AK7: variants seen among roughly 807,000 people sequenced by gnomAD.
AK7 encodes ATP-AMP transphosphorylase 7.
A neutral mutation model predicts 96.6 loss-of-function variants in AK7; 78 were observed. The ratio of observed to expected loss-of-function variants is 0.81; its 90% CI spans 0.67 to 0.97. AK7 has a LOEUF of 0.97. AK7 is among the 50% of genes least tolerant of loss of function. The pLI, the probability that AK7 is intolerant of heterozygous loss-of-function variation, is 0.00. For missense variants in AK7, 855 were observed against 887.9 expected (o/e 0.96, Z 0.47); for synonymous variants, 302 against 317.2 (o/e 0.95, Z 0.51).
intron 2 of AK7, among the ~76,000 whole-genome samples, chr14:96,403,114 TTAAATAAATAAATAAATAAA>T (rs59930782): frequency 7.1e-6 from 1 of 140,274 alleles, no homozygotes; most frequent in African/African-American, 2.7e-5. Flanking sequence ...AGACTCTGTC[TTAAATAAATAAATAAATAAA>T]TAAATAAATA....
intron 11 of AK7, chr14:96,456,882 C>A: frequency 5.2e-6 from 1 of 192,652 alleles, no homozygotes; most frequent in Admixed American, 5.4e-5. Context: ...CTGGGCTGCC[C>A]CCGGAGCCAC....
chr14:96,419,568 A>C (rs767258991), intron 4 of AK7, among the ~76,000 whole-genome samples: 1 of 152,118 alleles, frequency 6.6e-6, no homozygotes, highest in Non-Finnish European at 1.5e-5. Context: ...CAGGATTTCA[A>C]GGCTGCAGTA....
At chr14:96,427,812 T>C (rs937767924) in intron 5 of AK7, among the ~76,000 whole-genome samples, 3 of 152,200 alleles carry the variant, frequency 2.0e-5, no homozygotes, top group Non-Finnish European at 4.4e-5. Context: ...TGTTTTTCTT[T>C]TTTTGTCTCC....
In AK7 at chr14:96,398,232, C is replaced by T. The variant is rs774410251; in HGVS notation, c.263C>T (p.Pro88Leu). Reference sequence around the variant, plus strand: ...GGCACGCTGTCCAAGCCTGACAGCCCGCGGCCTGACTTTGCGGTGGAGACG... The same window carrying T: ...GGCACGCTGTCCAAGCCTGACAGCCTGCGGCCTGACTTTGCGGTGGAGACG... ...IVGTLSKPDS[P>L]RPDFAVETYS... Residue 88 changes from proline (P) to leucine (L), a missense_variant, in exon 2 of 18, where the codon CCG becomes CTG. By Grantham distance (98) the Pro-to-Leu change is moderately conservative (BLOSUM62 -3). Coordinates refer to ENST00000267584, the MANE Select transcript of AK7 (RefSeq NM_152327.5). 10 of 1,613,498 alleles carry T rather than the reference C, an allele frequency of 6.2e-6. No individual in the cohort carries two copies. Among genetic ancestry groups the T allele is most frequent in the East Asian group, 2.2e-5 (1 of 44,876 alleles).
intron 5 of AK7, among the ~76,000 whole-genome samples, chr14:96,422,914 G>A (rs1338970072): frequency 1.3e-5 from 2 of 152,144 alleles, no homozygotes; most frequent in Admixed American, 6.6e-5. Context: ...GAAAAATTAT[G>A]ATGATGATGA....
chr14:96,471,695 CAG>C (rs1894900874), intron 13 of AK7, 89 bp downstream of exon 13: 3 of 1,111,160 alleles, frequency 2.7e-6, no homozygotes, highest in Non-Finnish European at 3.6e-6. Flanking sequence ...TTAAAGTAAA[CAG>C]AAAACTAGAG....
intron 7 of AK7, 69 bp from the exon 8 acceptor site, chr14:96,446,448 G>T: frequency 7.3e-7 from 1 of 1,367,012 alleles, no homozygotes; most frequent in Non-Finnish European, 1.0e-6. Flanking sequence ...GTGGTGGTCA[G>T]TGAATTCTAG....
intron 10 of AK7, among the ~76,000 whole-genome samples, chr14:96,453,318 C>G (rs574003770): frequency 6.6e-6 from 1 of 152,184 alleles, no homozygotes; most frequent in Non-Finnish European, 1.5e-5. Flanking sequence ...TATGACAAGA[C>G]ACTTTGAAGA....
Position 96,450,088 on chromosome 14 carries a change from G to A in AK7, c.948+209G>A, listed in dbSNP as rs1296865224. Among the ~76,000 whole-genome samples, 4 of 151,998 alleles carry A rather than the reference G, an allele frequency of 2.6e-5. No individual in the cohort carries two copies. In the East Asian group the frequency reaches 7.7e-4, roughly 29 times the overall value. ...AGACAACTTACTCTTGTCTTCAGTT[G>A]TCTTTCCTGAATAACCCCCAGAGGT... On this transcript the variant is annotated intron_variant, in intron 9 of 17. Coordinates refer to ENST00000267584, the MANE Select transcript of AK7 (RefSeq NM_152327.5).
chr14:96,408,761 C>T, intron 3 of AK7, 86 bp from the exon 4 acceptor site: 2 of 1,201,312 alleles, frequency 1.7e-6, no homozygotes, highest in Non-Finnish European at 2.4e-6. Flanking sequence ...TGTTAAGTGG[C>T]TCCTACTGGT....
chr14:96,395,259 G>A (rs1368772252), intron 1 of AK7, among the ~76,000 whole-genome samples: 2 of 152,056 alleles, frequency 1.3e-5, no homozygotes, highest in Non-Finnish European at 2.9e-5. Flanking sequence ...AATATACTGC[G>A]TTCTTACAAT....
chr14:96,456,377 G>C lies in AK7; in HGVS notation c.1129G>C (p.Ala377Pro). The change falls in exon 11 of 18, where the codon GCT (alanine) becomes CCT (proline). Residue 377 changes from alanine to proline, a missense_variant. By Grantham distance (27) the Ala-to-Pro change is conservative (BLOSUM62 -1). Coordinates refer to ENST00000267584, the MANE Select transcript of AK7 (RefSeq NM_152327.5). ...PIKICILGPP[A>P]VGKSSIAKEL... ...CAAGATCTGCATTCTTGGTCCCCCT[G>C]CTGTGGGAAAATCCAGTATTGCTAA... The C allele has an allele frequency of 1.2e-6, 2 of 1,613,472 alleles. No homozygotes were observed. Among genetic ancestry groups the C allele is most frequent in the Middle Eastern group, 1.7e-4 (1 of 6,056 alleles).
chr14:96,441,468 A>G (rs908775836), intron 6 of AK7, among the ~76,000 whole-genome samples: 2 of 151,826 alleles, frequency 1.3e-5, no homozygotes, highest in Admixed American at 1.3e-4. Context: ...GTGAAATCCC[A>G]TCTCTATTAA....
intron 12 of AK7, among the ~76,000 whole-genome samples, chr14:96,461,592 A>C (rs1367733577): frequency 6.6e-6 from 1 of 151,960 alleles, no homozygotes; most frequent in Non-Finnish European, 1.5e-5. Context: ...TTATTTATTT[A>C]TTTATTTATT....
In AK7 at chr14:96,399,007, T is replaced by A. The variant is rs1890250159; in HGVS notation, c.294+744T>A. The A allele has an allele frequency of 6.6e-6, 1 of 152,058 alleles. No individual in the cohort carries two copies. The highest frequency in any genetic ancestry group is 6.6e-5 in the Admixed American group (1 of 15,256). The allele number at this position is 152,058 out of a possible 1,614,324, so 9.4% of individuals were successfully genotyped here. On this transcript the variant is annotated intron_variant, in intron 2 of 17. Transcript: ENST00000267584. The surrounding 1 kb of genome is among the most constrained non-coding windows in gnomAD (Gnocchi z 4.1). ...TTTTTTATTCATCCTTCAAGAGTTG[T>A]GTCTCTTCCTCCAGGAAGCCGTTCA...
At chr14:96,472,618 GA>G (rs1894960133) in intron 13 of AK7, 68 bp from the exon 14 acceptor site, 1 of 1,270,718 alleles carries the variant, frequency 7.9e-7, no homozygotes, top group Non-Finnish European at 1.1e-6. Context: ...AAGATATTTG[GA>G]ATTTTTTGCT....
At chr14:96,448,788 T>A (rs924750705) in intron 8 of AK7, among the ~76,000 whole-genome samples, 1 of 151,870 alleles carries the variant, frequency 6.6e-6, no homozygotes, top group African/African-American at 2.4e-5. Context: ...AAAACCCTTC[T>A]CTACTAAAAA....
chr14:96,407,580 CTTTTTTTT>C (rs11364736), intron 3 of AK7, among the ~76,000 whole-genome samples: 1 of 60,312 alleles, frequency 1.7e-5, no homozygotes, highest in African/African-American at 4.8e-5. Context: ...TCTTTCTTTT[CTTTTTTTT>C]TTTTTTTTTT....
At chr14:96,405,001 C>A in intron 3 of AK7, 136 bp downstream of exon 3, 1 of 458,596 alleles carries the variant, frequency 2.2e-6, no homozygotes, top group Non-Finnish European at 3.9e-6. Flanking sequence ...GTATGAAATC[C>A]ATGATAATAA....
Sources: gnomAD v4.1 joint callset for allele counts (sites outside exome capture counted in the v4.1 genomes callset) on GRCh38, gnomAD v4.1.1 for gene constraint, Gnocchi (gnomAD v3.1) non-coding constraint, MANE v1.5 for transcripts, NCBI Gene and HGNC (gene_info 2026-07-23, HGNC 2026-07-21) for gene names.